The following CDC42BPA variants were observed in gnomAD, a reference collection of about 807,000 sequenced individuals.
The protein encoded by CDC42BPA is serine/threonine-protein kinase MRCK alpha.
CDC42BPA carries 80 observed loss-of-function variants against 223.5 expected under a neutral mutation model. That is an observed-to-expected ratio of 0.36 (90% CI 0.30 to 0.43). The LOEUF (loss-of-function observed/expected upper bound fraction) is 0.43, where lower values mean the gene tolerates loss of function less well. Ranked by LOEUF, CDC42BPA falls within the 20% of genes least tolerant of loss-of-function variation. The probability of loss-of-function intolerance (pLI) is 1.00; values close to 1 mark genes in which losing one functional copy is unlikely to be tolerated. For synonymous variants in CDC42BPA, 694 were observed against 718.6 expected (o/e 0.97, Z 0.55); for missense variants, 1,743 against 2,099.9 (o/e 0.83, Z 3.32).
Position 227,245,589 on chromosome 1 carries a change from C to A in CDC42BPA, c.270+8475G>T, listed in dbSNP as rs1680797848. Among the ~76,000 whole-genome samples the A allele has an allele frequency of 3.3e-5, 5 of 152,164 alleles. No homozygotes were observed. In the South Asian group the frequency reaches 8.3e-4, roughly 25 times the overall value. Reference sequence around the variant, plus strand: ...TACAGGCGTAAGCCACCATGCCCAGCCCCGACATTGTCTTGCATCTTGGAT... The same window carrying A: ...TACAGGCGTAAGCCACCATGCCCAGACCCGACATTGTCTTGCATCTTGGAT... On this transcript the variant is annotated intron_variant, in intron 2 of 36. Coordinates refer to ENST00000366766, the MANE Select transcript of CDC42BPA (RefSeq NM_001394014.1).
At position 227,317,158 on chromosome 1, in the gene CDC42BPA, G is replaced by C; in HGVS notation, c.25C>G (p.Gln9Glu). The C allele has an allele frequency of 6.2e-7, 1 of 1,612,064 alleles. No homozygotes were observed. Among genetic ancestry groups the C allele is most frequent in the Non-Finnish European group, 8.5e-7 (1 of 1,179,436 alleles). MSGEVRLR[Q>E]LEQFILDGPA... is the part of the protein sequence containing the mutation. Reference sequence around the variant, plus strand: ...CCGTCCAAAATAAACTGCTCCAACTGCCTCAAACGCACTTCTCCAGACATG... The same window carrying C: ...CCGTCCAAAATAAACTGCTCCAACTCCCTCAAACGCACTTCTCCAGACATG... Residue 9 changes from glutamine to glutamate, a missense_variant, in exon 1 of 37, where the codon CAG becomes GAG. Transcript: ENST00000366766.
intron 14 of CDC42BPA, among the ~76,000 whole-genome samples, chr1:227,102,344 G>C (rs1346662112): frequency 1.3e-5 from 2 of 152,134 alleles, no homozygotes; most frequent in Non-Finnish European, 2.9e-5. Context: ...TCGTCCAATG[G>C]TTTATGAGGC....
At chr1:227,089,717 C>T (rs868532569) in intron 16 of CDC42BPA, among the ~76,000 whole-genome samples, 3 of 146,890 alleles carry the variant, frequency 2.0e-5, no homozygotes, top group South Asian at 2.1e-4. Context: ...CTAAGTATGT[C>T]CATTTCTCAT....
chr1:227,303,166 T>A (rs1001716514), intron 1 of CDC42BPA, among the ~76,000 whole-genome samples: 4 of 152,214 alleles, frequency 2.6e-5, no homozygotes, highest in African/African-American at 9.6e-5. Context: ...TAAAACATGA[T>A]GTGAAGCTCC....
chr1:227,302,494 G>A (rs1383908305), intron 1 of CDC42BPA, among the ~76,000 whole-genome samples: 8 of 152,150 alleles, frequency 5.3e-5, no homozygotes, highest in Admixed American at 5.2e-4. Context: ...AAGAGTTTCT[G>A]ATTCTTATCC....
intron 30 of CDC42BPA, 48 bp downstream of exon 30, chr1:227,028,609 G>C: frequency 7.9e-7 from 1 of 1,267,700 alleles, no homozygotes; most frequent in Non-Finnish European, 1.1e-6. Context: ...GAAGGGAAAA[G>C]GAAGAAGAGA....
intron 5 of CDC42BPA, among the ~76,000 whole-genome samples, chr1:227,186,108 C>T (rs1668734166): frequency 1.3e-5 from 2 of 152,152 alleles, no homozygotes; most frequent in Admixed American, 1.3e-4. Flanking sequence ...TTAGGAAAAC[C>T]TAAACTGTGA....
chr1:227,030,977 C>T (rs1279565804), intron 28 of CDC42BPA, among the ~76,000 whole-genome samples: 1 of 152,086 alleles, frequency 6.6e-6, no homozygotes, highest in Non-Finnish European at 1.5e-5. Flanking sequence ...AAGGTAATTA[C>T]CATCTGTATT....
In CDC42BPA at chr1:227,137,168, A is replaced by C. The variant is rs116545613; in HGVS notation, c.1390+2408T>G. On this transcript the variant is annotated intron_variant, in intron 10 of 36. Coordinates refer to ENST00000366766, the MANE Select transcript of CDC42BPA (RefSeq NM_001394014.1). ...TAGTAACATACAAATTATTAAGAAA[A>C]AGATATATAAAGACCTAATAGAAAA... 6.0e-3 allele frequency among the ~76,000 whole-genome samples: 908 copies of C among 152,220 alleles called. 10 individuals carry two copies. The highest frequency in any genetic ancestry group is 0.021 in the African/African-American group (855 of 41,558).
chr1:227,290,960 T>G (rs1689589870), intron 1 of CDC42BPA, among the ~76,000 whole-genome samples: 1 of 152,232 alleles, frequency 6.6e-6, no homozygotes, highest in South Asian at 2.1e-4. Context: ...GACTGTTTGT[T>G]GTCTAGACAG....
intron 1 of CDC42BPA, among the ~76,000 whole-genome samples, chr1:227,255,098 G>A (rs963102855): frequency 3.9e-5 from 6 of 152,194 alleles, no homozygotes; most frequent in Admixed American, 3.9e-4. Context: ...AATTAAAAAT[G>A]TTTAATGATT....
intron 23 of CDC42BPA, among the ~76,000 whole-genome samples, chr1:227,040,973 CT>C: frequency 6.6e-6 from 1 of 152,096 alleles, no homozygotes. Context: ...AATAAATAAC[CT>C]TTCATTCTGT....
intron 1 of CDC42BPA, among the ~76,000 whole-genome samples, chr1:227,255,344 A>G (rs998446908): frequency 1.3e-5 from 2 of 152,208 alleles, no homozygotes; most frequent in African/African-American, 2.4e-5. Flanking sequence ...GCTCTGATCT[A>G]AAAGTATGCA....
intron 32 of CDC42BPA, among the ~76,000 whole-genome samples, chr1:227,019,652 C>T (rs994450749): frequency 1.3e-5 from 2 of 151,418 alleles, no homozygotes; most frequent in African/African-American, 4.9e-5. Context: ...CCATGGGCTA[C>T]AGAATGGATG....
intron 21 of CDC42BPA, among the ~76,000 whole-genome samples, chr1:227,060,716 A>ATT (rs1373925166): frequency 1.6e-5 from 2 of 126,526 alleles, no homozygotes; most frequent in African/African-American, 3.0e-5. Flanking sequence ...GTAAATAGGT[A>ATT]CTTTTTTTTT....
chr1:227,257,525 G>A (rs1371082421), intron 1 of CDC42BPA, among the ~76,000 whole-genome samples: 1 of 150,882 alleles, frequency 6.6e-6, no homozygotes, highest in Non-Finnish European at 1.5e-5. Flanking sequence ...CAAGGCGGGT[G>A]AATCACCTGA....
At chr1:227,016,249 G>A (rs760720990) in intron 33 of CDC42BPA, 52 bp from the exon 34 acceptor site, 10 of 939,314 alleles carry the variant, frequency 1.1e-5, no homozygotes, top group African/African-American at 1.6e-5. Flanking sequence ...AATTTATGTA[G>A]CTTATGAAAA....
chr1:227,289,979 G>GT (rs1030824075), intron 1 of CDC42BPA, among the ~76,000 whole-genome samples: 3 of 151,718 alleles, frequency 2.0e-5, no homozygotes, highest in Non-Finnish European at 2.9e-5. Flanking sequence ...TAAAGCTGCA[G>GT]TGAGCTATGA....
intron 1 of CDC42BPA, among the ~76,000 whole-genome samples, chr1:227,265,632 A>G (rs560232579): frequency 1.4e-5 from 2 of 145,198 alleles, no homozygotes; most frequent in African/African-American, 5.0e-5. Flanking sequence ...CTCCGTCTTA[A>G]AAAAAAAAAA....
Sources: gnomAD v4.1 joint callset for allele counts (sites outside exome capture counted in the v4.1 genomes callset) on GRCh38, gnomAD v4.1.1 for gene constraint, MANE v1.5 for transcripts, NCBI Gene and HGNC (gene_info 2026-07-23, HGNC 2026-07-21) for gene names.